GARS1: variants seen among roughly 807,000 people sequenced by gnomAD.
The protein encoded by GARS1 is glycine--tRNA ligase.
In GARS1, 46 loss-of-function variants were observed where a neutral mutation model predicts 86.4. The ratio of observed to expected loss-of-function variants is 0.53; its 90% confidence interval spans 0.42 to 0.68. The LOEUF is 0.68. GARS1 is among the 30% of genes least tolerant of loss of function. The pLI is 0.00. For synonymous variants in GARS1, 342 were observed against 329.8 expected (o/e 1.04, Z -0.40); for missense variants, 797 against 915.6 (o/e 0.87, Z 1.67).
chr7:30,632,847 C>G lies in GARS1; in HGVS notation c.2094+410C>G, dbSNP rs1185133237. Among the ~76,000 whole-genome samples the G allele has an allele frequency of 6.6e-6, 1 of 152,134 alleles. No homozygotes were observed. The highest frequency in any genetic ancestry group is 1.5e-5 in the Non-Finnish European group (1 of 68,040). On this transcript the variant is annotated intron_variant, in intron 16 of 16. Coordinates refer to ENST00000389266, the MANE Select transcript of GARS1 (RefSeq NM_002047.4). This position sits in a 1 kb window ranked among gnomAD's most constrained non-coding sequence, Gnocchi z 4.1. Reference sequence around the variant, plus strand: ...CTTTTCCGTGTTCATATATTCAAAACAGTGAATCATGTTTCAGTAGTTTTG... The same window carrying G: ...CTTTTCCGTGTTCATATATTCAAAAGAGTGAATCATGTTTCAGTAGTTTTG...
chr7:30,628,529 G>A (rs771426166), intron 13 of GARS1, 31 bp from the exon 14 acceptor site: 2 of 1,437,466 alleles, frequency 1.4e-6, no homozygotes, highest in Non-Finnish European at 2.0e-6. Flanking sequence ...GTATTTGAGA[G>A]AATGTTATTG....
Position 30,599,860 on chromosome 7 carries a change from T to A in GARS1, c.325-87T>A, listed in dbSNP as rs915911586. On this transcript the variant is annotated intron_variant, in intron 2 of 16. Coordinates refer to ENST00000389266, the MANE Select transcript of GARS1 (RefSeq NM_002047.4). ...GTTTGATAAATTTTATATTTAATTC[T>A]GGTGAGGAATAAACTAAATTCAGAT... 7 of 834,378 alleles carry A rather than the reference T, an allele frequency of 8.4e-6. No homozygotes were observed. In the South Asian group the frequency reaches 9.6e-5, roughly 11 times the overall value. The allele number at this position is 834,378 out of a possible 1,614,324, so 51.7% of individuals were successfully genotyped here.
At chr7:30,608,508 G>T (rs954054472) in intron 6 of GARS1, among the ~76,000 whole-genome samples, 1 of 152,114 alleles carries the variant, frequency 6.6e-6, no homozygotes, top group Non-Finnish European at 1.5e-5. Flanking sequence ...TTATTTTGTG[G>T]ATTCCTCCTA....
chr7:30,594,832 GT>G (rs1361811837), upstream of GARS1: 4 of 1,171,188 alleles, frequency 3.4e-6, no homozygotes, highest in East Asian at 1.0e-4. Flanking sequence ...GCGCCGCGTC[GT>G]TTACGCGGCG....
At position 30,633,824 on chromosome 7, in the gene GARS1, G is replaced by T. The variant is rs754809551; in HGVS notation, c.2184G>T (p.Gly728=). 3.1e-6 allele frequency: 5 copies of T among 1,613,002 alleles called. No individual in the cohort carries two copies. Among genetic ancestry groups the T allele is most frequent in the South Asian group, 1.1e-5 (1 of 91,074 alleles). The change falls in exon 17 of 17, where the codon GGG becomes GGT. Residue 728 remains glycine, a synonymous_variant. Coordinates refer to ENST00000389266, the MANE Select transcript of GARS1 (RefSeq NM_002047.4). ...DVEARYPLFE[G]QETGKKETIE... is the part of the protein sequence containing the mutation. ...AGGCCAGGTATCCTCTGTTTGAAGG[G>T]CAAGAGACTGGTAAAAAAGAGACAA...
intron 1 of GARS1, among the ~76,000 whole-genome samples, chr7:30,596,470 A>C (rs1482959379): frequency 6.6e-6 from 1 of 151,592 alleles, no homozygotes; most frequent in Non-Finnish European, 1.5e-5. Flanking sequence ...AGAAGGAAGC[A>C]TACAACTAAT....
At chr7:30,613,868 T>C (rs1251712483) in intron 8 of GARS1, among the ~76,000 whole-genome samples, 2 of 152,260 alleles carry the variant, frequency 1.3e-5, no homozygotes, top group Non-Finnish European at 1.5e-5. Context: ...CAGAGTTCTC[T>C]GGTGATTAAT....
In GARS1 at chr7:30,612,196, A is replaced by G. The variant is rs1368256616; in HGVS notation, c.982A>G (p.Asn328Asp). The change falls in exon 8 of 17, where the codon AAT becomes GAT. Residue 328 changes from asparagine to aspartate, a missense_variant. Asn to Asp is a conservative substitution (Grantham distance 23, BLOSUM62 1). Transcript: ENST00000389266. Reference sequence around the variant, plus strand: ...GCCTTTTGCTGCTGCCCAGATTGGAAATTCTTTTAGAAATGAGATCTCCCC... The same window carrying G: ...GCCTTTTGCTGCTGCCCAGATTGGAGATTCTTTTAGAAATGAGATCTCCCC... ...KLPFAAAQIG[N>D]SFRNEISPRS... 1.9e-6 allele frequency: 3 copies of G among 1,614,108 alleles called. No homozygotes were observed. The Admixed American group carries it at 5.0e-5, about 27-fold the overall frequency.
intron 3 of GARS1, among the ~76,000 whole-genome samples, chr7:30,600,575 TAC>T (rs1791353387): frequency 6.6e-6 from 1 of 152,358 alleles, no homozygotes; most frequent in South Asian, 2.1e-4. Context: ...AACGGATTAT[TAC>T]AACAACATTA....
Position 30,633,910 on chromosome 7 carries a change from A to AC in GARS1, c.*50_*51insC. ...ACTTGCGCTAATAAAAAAAAAAAAAAACTACTCTTATGTCCACTTTACAAA... is the reference window on the plus strand; with the variant it reads ...ACTTGCGCTAATAAAAAAAAAAAAAACACTACTCTTATGTCCACTTTACAAA... On this transcript the variant is annotated 3_prime_UTR_variant, in exon 17 of 17. Coordinates refer to ENST00000389266, the MANE Select transcript of GARS1 (RefSeq NM_002047.4). 6 of 1,395,034 alleles carry AC rather than the reference A, an allele frequency of 4.3e-6. No individual in the cohort carries two copies. The highest frequency in any genetic ancestry group is 2.9e-5 in the African/African-American group (2 of 68,982). 86.4% of individuals were successfully genotyped at this position (1,395,034 alleles called of 1,614,324 possible). A position where few individuals can be genotyped will look rare whatever the true frequency, so the allele number is the denominator to read the frequency against.
In GARS1 at chr7:30,609,729, G is replaced by C. The variant is rs137852643; in HGVS notation, c.880G>C (p.Gly294Arg). The stretch of plus-strand genomic sequence containing the variant: ...CATTGGGCCTGGAGGAAACATGCCT[G>C]GGTATGTATCACTTATTGTTTACCT... ...TFIGPGGNMPGYLRPETAQGI... is the reference protein window; with the variant it reads ...TFIGPGGNMPRYLRPETAQGI... Residue 294 changes from glycine to arginine, a missense_variant and splice_region_variant, in exon 7 of 17, where the codon GGG (glycine) becomes CGG (arginine). Gly to Arg is a moderately radical substitution (Grantham distance 125, BLOSUM62 -2). Transcript: ENST00000389266. The C allele has an allele frequency of 6.2e-7, 1 of 1,612,822 alleles. No homozygotes were observed. Among genetic ancestry groups the C allele is most frequent in the Non-Finnish European group, 8.5e-7 (1 of 1,179,040 alleles).
intron 1 of GARS1, chr7:30,595,878 G>A (rs1324792797): frequency 2.1e-6 from 1 of 471,132 alleles, no homozygotes; most frequent in Non-Finnish European, 4.4e-6. Flanking sequence ...TAAGTGTTGC[G>A]GAGTGAAGTC....
chr7:30,602,441 C>T (rs1448490462), intron 4 of GARS1, among the ~76,000 whole-genome samples: 2 of 152,204 alleles, frequency 1.3e-5, no homozygotes, highest in East Asian at 3.8e-4. Context: ...TGGTGGAGAG[C>T]TAATTTTTAC....
chr7:30,599,887 T>C (rs1791337403), intron 2 of GARS1, 60 bp from the exon 3 acceptor site: 10 of 1,068,742 alleles, frequency 9.4e-6, no homozygotes, highest in African/African-American at 4.7e-5. Flanking sequence ...AATTCAGATA[T>C]ATAAGTTCAG....
At chr7:30,613,430 C>G (rs1045761327) in intron 8 of GARS1, among the ~76,000 whole-genome samples, 1 of 152,052 alleles carries the variant, frequency 6.6e-6, no homozygotes, top group Non-Finnish European at 1.5e-5. Context: ...TGTTTTTCAC[C>G]GTTTCAATAT....
chr7:30,614,933 A>G (rs980171112), intron 8 of GARS1, among the ~76,000 whole-genome samples: 13 of 152,114 alleles, frequency 8.5e-5, no homozygotes, highest in Admixed American at 2.0e-4. Flanking sequence ...TTTAGGATCC[A>G]TTTAAGCAAT....
At chr7:30,615,071 A>G (rs1782863955) in intron 8 of GARS1, among the ~76,000 whole-genome samples, 1 of 152,206 alleles carries the variant, frequency 6.6e-6, no homozygotes, top group African/African-American at 2.4e-5. Context: ...GCAAATAGCT[A>G]CTAAATTGCA....
rs776111612 is a variant in GARS1, at chr7:30,622,325, C to T, written c.1476C>T (p.Val492=). 6.2e-7 allele frequency: 1 copy of T among 1,613,988 alleles called. No homozygotes were observed. The highest frequency in any genetic ancestry group is 8.5e-7 in the Non-Finnish European group (1 of 1,179,988). Residue 492 remains valine (V), a synonymous_variant, in exon 12 of 17, where the codon GTC becomes GTT. Coordinates refer to ENST00000389266, the MANE Select transcript of GARS1 (RefSeq NM_002047.4). ...AEKPLKEPKT[V]NVVQFEPSKG... ...CCTTGACTACTTCATACAAAACAGT[C>T]AATGTTGTTCAGTTTGAACCCAGTA...
rs376772628 is a variant in GARS1, at chr7:30,601,193, G to A, written c.562G>A (p.Val188Ile). Residue 188 changes from valine (V) to isoleucine (I), a missense_variant, in exon 4 of 17, where the codon GTT (valine) becomes ATT (isoleucine). By Grantham distance (29) the Val-to-Ile change is conservative. Transcript: ENST00000389266. ...TTGCACCATGCTCACCCCTGAGCCA[G>A]TTTTAAAGTGAGATCTTACTTTGGA... is the stretch of plus-strand genomic sequence containing the variant. ...IDCTMLTPEP[V>I]LKTSGHVDKF... is the part of the protein sequence containing the mutation. 169 of 1,613,630 alleles carry A rather than the reference G, an allele frequency of 1.0e-4. No homozygotes were observed. The highest frequency in any genetic ancestry group is 1.3e-4 in the Non-Finnish European group (151 of 1,179,772).
Sources: gnomAD v4.1 joint callset for allele counts (sites outside exome capture counted in the v4.1 genomes callset) on GRCh38, gnomAD v4.1.1 for gene constraint, Gnocchi (gnomAD v3.1) non-coding constraint, MANE v1.5 for transcripts, NCBI Gene and HGNC (gene_info 2026-07-23, HGNC 2026-07-21) for gene names.